The following ATP13A2 variants were observed in gnomAD, a reference collection of about 807,000 sequenced individuals.
ATP13A2 encodes the protein polyamine-transporting ATPase 13A2.
Under a neutral mutation model 138.3 loss-of-function variants are expected in ATP13A2, and 83 were observed. The ratio of observed to expected loss-of-function variants is 0.60; its 90% CI spans 0.50 to 0.72. ATP13A2 has a LOEUF of 0.72. Ranked by LOEUF, ATP13A2 falls within the 30% of genes least tolerant of loss-of-function variation. ATP13A2 has a pLI of 0.00. For synonymous variants in ATP13A2, 663 were observed against 699.0 expected (o/e 0.95, Z 0.81); for missense variants, 1,402 against 1,606.4 (o/e 0.87, Z 2.17).
chr1:17,002,237 TG>T, intron 7 of ATP13A2, 58 bp downstream of exon 7: 46 of 1,594,554 alleles, frequency 2.9e-5, no homozygotes, highest in Non-Finnish European at 3.8e-5. Context: ...GCAACCACAT[TG>T]GGGGGCAACA....
At chr1:17,005,813 G>A in intron 1 of ATP13A2, 35 bp from the exon 2 acceptor site, 1 of 1,564,022 alleles carries the variant, frequency 6.4e-7, no homozygotes, top group Non-Finnish European at 8.7e-7. Context: ...ATTTGGGGAG[G>A]CACCTTCTCC....
intron 7 of ATP13A2, 59 bp downstream of exon 7, chr1:17,002,237 T>TG: frequency 1.9e-6 from 3 of 1,594,550 alleles, no homozygotes; most frequent in South Asian, 1.1e-5. Context: ...GCAACCACAT[T>TG]GGGGGGCAAC....
chr1:16,986,103 T>C lies in ATP13A2; in HGVS notation c.*118A>G. 6.4e-7 allele frequency: 1 copy of C among 1,572,274 alleles called. No individual in the cohort carries two copies. Among genetic ancestry groups the C allele is most frequent in the Non-Finnish European group, 8.6e-7 (1 of 1,159,652 alleles). The stretch of plus-strand genomic sequence containing the variant: ...TGGGGGTGGTCTCGGGGGAGGAGTG[T>C]AGACAGTCGCCAACCTCAGGGATGT... On this transcript the variant is annotated 3_prime_UTR_variant, in exon 29 of 29. Transcript: ENST00000326735. This position sits in a 1 kb window ranked among gnomAD's most constrained non-coding sequence, Gnocchi z 6.9.
intron 1 of ATP13A2, among the ~76,000 whole-genome samples, chr1:17,010,672 G>A (rs1383058686): frequency 6.6e-6 from 1 of 152,192 alleles, no homozygotes; most frequent in African/African-American, 2.4e-5. Context: ...ACGAGGCCCA[G>A]AGGAGTAGAT....
At chr1:17,001,822 C>G (rs2077368991) in intron 8 of ATP13A2, among the ~76,000 whole-genome samples, 1 of 152,240 alleles carries the variant, frequency 6.6e-6, no homozygotes, top group South Asian at 2.1e-4. Context: ...GGGCCCCAAT[C>G]TGTGACCCAA....
At chr1:16,994,929 C>G (rs566246092) in intron 15 of ATP13A2, among the ~76,000 whole-genome samples, 1 of 151,954 alleles carries the variant, frequency 6.6e-6, no homozygotes, top group African/African-American at 2.4e-5. Context: ...CCCGAAGTGC[C>G]GGGATTCCAG....
At chr1:17,005,224 C>A (rs2077508294) in intron 3 of ATP13A2, 150 bp downstream of exon 3, 5 of 1,449,754 alleles carry the variant, frequency 3.4e-6, no homozygotes, top group African/African-American at 2.8e-5. Context: ...CTGCCCAATG[C>A]TCAGATGGGA....
rs367760588 is a variant in ATP13A2 at position 16,987,068 on chromosome 1, A to T, written c.3061T>A (p.Phe1021Ile). The change falls in exon 26 of 29, where the codon TTC (phenylalanine) becomes ATC (isoleucine). Residue 1021 changes from phenylalanine (F) to isoleucine (I), a missense_variant. By Grantham distance (21) the Phe-to-Ile change is conservative. Coordinates refer to ENST00000326735, the MANE Select transcript of ATP13A2 (RefSeq NM_022089.4). Reference protein sequence around the residue: ...LVTGVQLGGYFLTLAQPWFVP... With the variant: ...LVTGVQLGGYILTLAQPWFVP... ...CACCATGGCTGGGCCAGGGTCAGGA[A>T]GTAGCCCCCTAGCTGCACGCCGGTC... 1 of 1,613,338 alleles carries T rather than the reference A, an allele frequency of 6.2e-7. No homozygotes were observed. Among genetic ancestry groups the T allele is most frequent in the Non-Finnish European group, 8.5e-7 (1 of 1,179,970 alleles).
Position 16,997,066 on chromosome 1 carries a change from G to A in ATP13A2, c.1149C>T (p.Ala383=). 1 of 1,613,376 alleles carries A rather than the reference G, an allele frequency of 6.2e-7. No individual in the cohort carries two copies. The highest frequency in any genetic ancestry group is 8.5e-7 in the Non-Finnish European group (1 of 1,179,988). ...GGACGTGCGGTCCCACATAGGCCCG[G>A]GCCTGCAAGATGAGGGTCCCGCAGA... is the stretch of plus-strand genomic sequence containing the variant. ...TLFCGTLILQ[A]RAYVGPHVLA... Residue 383 remains alanine, a synonymous_variant, in exon 12 of 29, where the codon GCC becomes GCT. Coordinates refer to ENST00000326735, the MANE Select transcript of ATP13A2 (RefSeq NM_022089.4).
chr1:17,011,644 C>T lies in ATP13A2; in HGVS notation c.10+85G>A, dbSNP rs1434833397. The T allele has an allele frequency of 7.1e-7, 1 of 1,408,768 alleles. No homozygotes were observed. Among genetic ancestry groups the T allele is most frequent in the African/African-American group, 1.5e-5 (1 of 66,370 alleles). 87.3% of individuals were successfully genotyped at this position (1,408,768 alleles called of 1,614,324 possible). A position where few individuals can be genotyped will look rare whatever the true frequency, so the allele number is the denominator to read the frequency against. On this transcript the variant is annotated intron_variant, in intron 1 of 28. Coordinates refer to ENST00000326735, the MANE Select transcript of ATP13A2 (RefSeq NM_022089.4). The surrounding 1 kb of genome is among the most constrained non-coding windows in gnomAD (Gnocchi z 7.3). ...CGCGACCCCGCGGTGGGGGGCGTCG[C>T]CTCCCCTCTCCCTCCAAGGGGTGAC... is the stretch of plus-strand genomic sequence containing the variant.
At chr1:16,993,980 C>T in intron 15 of ATP13A2, 145 bp from the exon 16 acceptor site, 1 of 686,092 alleles carries the variant, frequency 1.5e-6, no homozygotes, top group Non-Finnish European at 2.5e-6. Flanking sequence ...TTCTTGACTG[C>T]TGTCCTTGGC....
chr1:17,005,872 C>T (rs1022594088), intron 1 of ATP13A2, 94 bp from the exon 2 acceptor site: 112 of 1,224,044 alleles, frequency 9.2e-5, no homozygotes, highest in Non-Finnish European at 1.2e-4. Flanking sequence ...CGGTGGCTCA[C>T]GCCTGTAATC....
In ATP13A2 at chr1:16,992,116, G is replaced by T; in HGVS notation, c.2019C>A (p.Phe673Leu). 6.2e-7 allele frequency: 1 copy of T among 1,613,336 alleles called. No individual in the cohort carries two copies. The highest frequency in any genetic ancestry group is 8.5e-7 in the Non-Finnish European group (1 of 1,179,594). ...CTGTATAGCTCTGCAGCATCTGGGC[G>T]AAGTCGGTGGGCACTGCCAGGGAGA... is the stretch of plus-strand genomic sequence containing the variant. The part of the protein sequence containing the change: ...LCNPETVPTD[F>L]AQMLQSYTAA... The change falls in exon 19 of 29, where the codon TTC (phenylalanine) becomes TTA (leucine). Residue 673 changes from phenylalanine (F) to leucine (L), a missense_variant. Phe to Leu is a conservative substitution (Grantham distance 22). Transcript: ENST00000326735.
At chr1:17,009,410 T>A (rs1283481684) in intron 1 of ATP13A2, among the ~76,000 whole-genome samples, 1 of 126,896 alleles carries the variant, frequency 7.9e-6, no homozygotes, top group Non-Finnish European at 1.7e-5. Flanking sequence ...TTTTTTTTTT[T>A]AAAAGAGACA....
At position 16,995,742 on chromosome 1, in the gene ATP13A2, G is replaced by A. The variant is rs1283816834; in HGVS notation, c.1542+234C>T. 1.9e-5 allele frequency: 12 copies of A among 635,126 alleles called. No homozygotes were observed. Among genetic ancestry groups the A allele is most frequent in the Non-Finnish European group, 2.5e-5 (9 of 353,612 alleles). The allele number at this position is 635,126 out of a possible 1,614,324, so 39.3% of individuals were successfully genotyped here. A position where few individuals can be genotyped will look rare whatever the true frequency, so the allele number is the denominator to read the frequency against. On this transcript the variant is annotated intron_variant, in intron 15 of 28. Transcript: ENST00000326735. This position sits in a 1 kb window ranked among gnomAD's most constrained non-coding sequence, Gnocchi z 4.1. ...ATTACAGACGTGAGCCACCGCGCCCGGCCCCCCACCAGTTCTTGAACACAT... is the reference window on the plus strand; with the variant it reads ...ATTACAGACGTGAGCCACCGCGCCCAGCCCCCCACCAGTTCTTGAACACAT...
chr1:16,999,828 G>T (rs934377211), intron 11 of ATP13A2, among the ~76,000 whole-genome samples, 183 bp downstream of exon 11: 1 of 152,166 alleles, frequency 6.6e-6, no homozygotes, highest in Non-Finnish European at 1.5e-5. Flanking sequence ...TTGAACCTGG[G>T]GGGTGGAGGC....
Position 17,004,494 on chromosome 1 carries a change from G to A in ATP13A2, c.478-83C>T. 1 of 1,562,056 alleles carries A rather than the reference G, an allele frequency of 6.4e-7. No individual in the cohort carries two copies. The highest frequency in any genetic ancestry group is 8.8e-7 in the Non-Finnish European group (1 of 1,141,694). On this transcript the variant is annotated intron_variant, in intron 5 of 28. Transcript: ENST00000326735. The surrounding 1 kb of genome is among the most constrained non-coding windows in gnomAD (Gnocchi z 4.1). ...TGCTTATGCTGGGAGCCGAGGGATG[G>A]GGGTAGGGGGCAGGGACTGGTGTCA... is the stretch of plus-strand genomic sequence containing the variant.
chr1:16,992,649 A>C (rs192446884), intron 16 of ATP13A2, 68 bp from the exon 17 acceptor site: 9 of 1,523,898 alleles, frequency 5.9e-6, no homozygotes, highest in Non-Finnish European at 8.2e-6. Context: ...AGCTAGACTC[A>C]GGGAAGACTT....
In ATP13A2 at chr1:16,995,943, G is replaced by A. The variant is rs376714593; in HGVS notation, c.1542+33C>T. ...TCACTGGGGCGCCTGTGGCTGTCCC[G>A]CTCCCCTGCACCAACCCCACCTGCG... On this transcript the variant is annotated intron_variant, in intron 15 of 28. Coordinates refer to ENST00000326735, the MANE Select transcript of ATP13A2 (RefSeq NM_022089.4). This position sits in a 1 kb window ranked among gnomAD's most constrained non-coding sequence, Gnocchi z 4.1. 225 of 1,612,340 alleles carry A rather than the reference G, an allele frequency of 1.4e-4. No individual in the cohort carries two copies. Among genetic ancestry groups the A allele is most frequent in the Non-Finnish European group, 1.8e-4 (211 of 1,179,706 alleles).
Sources: gnomAD v4.1 joint callset for allele counts (sites outside exome capture counted in the v4.1 genomes callset) on GRCh38, gnomAD v4.1.1 for gene constraint, Gnocchi (gnomAD v3.1) non-coding constraint, MANE v1.5 for transcripts, NCBI Gene and HGNC (gene_info 2026-07-23, HGNC 2026-07-21) for gene names.